The following CDH17 variants were observed in gnomAD, a reference collection of about 807,000 sequenced individuals.
CDH17 encodes the protein cadherin 17.
CDH17 carries 67 observed loss-of-function variants against 86.3 expected under a neutral mutation model. That is an observed-to-expected ratio of 0.78 (90% confidence interval 0.64 to 0.95). The LOEUF is 0.95. Among genes scored for constraint, CDH17 ranks in the 40% least tolerant of loss-of-function variants. The pLI, the probability that CDH17 is intolerant of heterozygous loss-of-function variation, is 0.00. For synonymous variants in CDH17, 367 were observed against 366.4 expected, an observed-to-expected ratio of 1.00 and a Z score of -0.02; for missense variants, 993 against 1,017.6, an observed-to-expected ratio of 0.98 and a Z score of 0.33.
At chr8:94,197,829 TAAAA>T (rs34799637) in intron 1 of CDH17, among the ~76,000 whole-genome samples, 3 of 121,388 alleles carry the variant, frequency 2.5e-5, no homozygotes, top group Admixed American at 8.8e-5. Context: ...AGACTCTGTC[TAAAA>T]AAAAAAAAAA....
chr8:94,176,872 G>T (rs766480469), intron 4 of CDH17, among the ~76,000 whole-genome samples, 193 bp from the exon 5 acceptor site: 5 of 152,202 alleles, frequency 3.3e-5, no homozygotes, highest in Non-Finnish European at 7.3e-5. Flanking sequence ...AATCATGATG[G>T]TGACTTTCTA....
rs1041977087 is a variant in CDH17 at position 94,148,707 on chromosome 8, G to C, written c.1927+37C>G. ...ACCCATGTATCTTCTGATAATCTGT[G>C]TTCCTTTTTTTTTGTTTTTTTTTTT... On this transcript the variant is annotated intron_variant, in intron 14 of 17. Coordinates refer to ENST00000027335, the MANE Select transcript of CDH17 (RefSeq NM_004063.4). 2.8e-6 allele frequency: 4 copies of C among 1,423,414 alleles called. No individual in the cohort carries two copies. In the South Asian group the frequency reaches 4.3e-5, roughly 15 times the overall value. The allele number at this position is 1,423,414 out of a possible 1,614,324, so 88.2% of individuals were successfully genotyped here.
At chr8:94,184,980 A>C (rs2130656562) in intron 3 of CDH17, among the ~76,000 whole-genome samples, 1 of 152,270 alleles carries the variant, frequency 6.6e-6, no homozygotes, top group South Asian at 2.1e-4. Flanking sequence ...CCTCCTCCCC[A>C]CCACTGAAGC....
chr8:94,167,912 G>A (rs749701153), intron 9 of CDH17, among the ~76,000 whole-genome samples: 2 of 151,730 alleles, frequency 1.3e-5, no homozygotes, highest in Admixed American at 6.6e-5. Context: ...AGGAGTATAC[G>A]TAGCATCTCT....
At chr8:94,160,303 G>A (rs1813027505) in intron 11 of CDH17, 141 bp from the exon 12 acceptor site, 6 of 616,778 alleles carry the variant, frequency 9.7e-6, no homozygotes, top group Middle Eastern at 3.6e-4. Context: ...TCCTATTGAT[G>A]AATATATTGC....
At chr8:94,196,704 A>G (rs892867303) in intron 1 of CDH17, among the ~76,000 whole-genome samples, 3 of 152,216 alleles carry the variant, frequency 2.0e-5, no homozygotes, top group East Asian at 3.8e-4. Context: ...CATTTCTAAC[A>G]AAGAGCAGCC....
intron 1 of CDH17, among the ~76,000 whole-genome samples, chr8:94,198,450 T>C (rs554993984): frequency 6.6e-6 from 1 of 152,322 alleles, no homozygotes; most frequent in East Asian, 1.9e-4. Flanking sequence ...TTATCAATTA[T>C]AAATGAATAA....
chr8:94,170,545 A>T lies in CDH17; in HGVS notation c.918T>A (p.Tyr306Ter), dbSNP rs1455306987. Residue 306 changes from tyrosine to a stop codon, truncating the protein, a stop_gained and splice_region_variant, in exon 9 of 18, where the codon TAT becomes TAA. Coordinates refer to ENST00000027335, the MANE Select transcript of CDH17 (RefSeq NM_004063.4). LOFTEE classifies it high-confidence loss of function. ...QPLDREEKDA[Y>*]VFYAVAKDEY... Reference sequence around the variant, plus strand: ...CATCCTTTGCAACTGCATAAAAAACATACTACAACAGGAAAGTCAGAGTTA... The same window carrying T: ...CATCCTTTGCAACTGCATAAAAAACTTACTACAACAGGAAAGTCAGAGTTA... The T allele has an allele frequency of 1.2e-6, 2 of 1,613,536 alleles. No homozygotes were observed. Among genetic ancestry groups the T allele is most frequent in the Non-Finnish European group, 1.7e-6 (2 of 1,179,736 alleles).
intron 9 of CDH17, among the ~76,000 whole-genome samples, chr8:94,170,181 G>A (rs1813239433): frequency 6.6e-6 from 1 of 152,176 alleles, no homozygotes; most frequent in African/African-American, 2.4e-5. Context: ...GGTAGTAGCG[G>A]TAATGGTAGC....
Position 94,166,311 on chromosome 8 carries a change from C to T in CDH17, c.1067-335G>A, listed in dbSNP as rs190303055. ...CTTGTGAGTGGCTGTCTTTTCCTTC[C>T]GGTGCCTTCACAGCACCTTCCTTCT... On this transcript the variant is annotated intron_variant, in intron 9 of 17. Transcript: ENST00000027335. Among the ~76,000 whole-genome samples the T allele has an allele frequency of 6.7e-4, 102 of 152,296 alleles. No individual in the cohort carries two copies. In the East Asian group the frequency reaches 0.016, roughly 24 times the overall value.
At chr8:94,148,234 T>G (rs1197728835) in intron 14 of CDH17, among the ~76,000 whole-genome samples, 1 of 152,032 alleles carries the variant, frequency 6.6e-6, no homozygotes, top group African/African-American at 2.4e-5. Flanking sequence ...CACAGGTGTT[T>G]TTCACCTTTA....
chr8:94,173,895 A>G lies in CDH17; in HGVS notation c.685T>C (p.Ser229Pro), dbSNP rs960997041. The G allele has an allele frequency of 6.2e-7, 1 of 1,612,306 alleles. No homozygotes were observed. Among genetic ancestry groups the G allele is most frequent in the Non-Finnish European group, 8.5e-7 (1 of 1,178,496 alleles). ...QSENSFSDTT[S>P]VDIIVTENIW... ...TTCTCTGTCACTATGATATCCACAG[A>G]TGTGGTATCACTGAAGGAATTCTCA... Residue 229 changes from serine (S) to proline (P), a missense_variant, in exon 7 of 18, where the codon TCT becomes CCT. By Grantham distance (74) the Ser-to-Pro change is moderately conservative. Transcript: ENST00000027335.
At chr8:94,176,357 G>A (rs1813370699) in intron 5 of CDH17, among the ~76,000 whole-genome samples, 184 bp downstream of exon 5, 1 of 152,208 alleles carries the variant, frequency 6.6e-6, no homozygotes, top group Admixed American at 6.5e-5. Flanking sequence ...TCAATACATA[G>A]TGCTGCATTG....
At chr8:94,179,491 G>A (rs983830876) in intron 3 of CDH17, among the ~76,000 whole-genome samples, 36 of 152,158 alleles carry the variant, frequency 2.4e-4, no homozygotes, top group Non-Finnish European at 4.3e-4. Context: ...CAATCTACAA[G>A]GCCACTATCA....
At chr8:94,185,276 TACACACACACACAC>T (rs71277462) in intron 3 of CDH17, among the ~76,000 whole-genome samples, 2 of 136,756 alleles carry the variant, frequency 1.5e-5, no homozygotes, top group Admixed American at 7.3e-5. Context: ...CCTACCCCAA[TACACACACACACAC>T]ACACACACAC....
chr8:94,164,967 G>A (rs1813124975), intron 10 of CDH17, among the ~76,000 whole-genome samples: 1 of 152,212 alleles, frequency 6.6e-6, no homozygotes, highest in Admixed American at 6.5e-5. Flanking sequence ...GGGGAAGAAT[G>A]TCTCCTGATA....
upstream of CDH17, among the ~76,000 whole-genome samples, chr8:94,211,681 C>T (rs1157489734): frequency 6.6e-6 from 1 of 152,158 alleles, no homozygotes; most frequent in Admixed American, 6.5e-5. Flanking sequence ...CAAGTACTTG[C>T]ATTTTATGTT....
At chr8:94,132,012 CT>C (rs1383083835) in intron 15 of CDH17, among the ~76,000 whole-genome samples, 1 of 152,110 alleles carries the variant, frequency 6.6e-6, no homozygotes, top group Non-Finnish European at 1.5e-5. Context: ...TGGACTCATC[CT>C]TTTTTATGGC....
chr8:94,147,795 A>G (rs2251986), intron 14 of CDH17, among the ~76,000 whole-genome samples: 87,667 of 152,054 alleles, frequency 0.58, 27,725 homozygotes, highest in African/African-American at 0.84. Context: ...AAAATAAATA[A>G]GATACAAAGA....
Sources: allele counts gnomAD v4.1 joint callset (sites outside exome capture counted in the v4.1 genomes callset), GRCh38; gene constraint gnomAD v4.1.1; transcripts MANE v1.5; gene names NCBI Gene and HGNC (gene_info 2026-07-23, HGNC 2026-07-21).